Variants in GPC1 observed in about 807,000 individuals in gnomAD.
GPC1 encodes glypican 1, also known as glypican-1.
A neutral mutation model predicts 51.5 loss-of-function variants in GPC1; 26 were observed. That is an observed-to-expected ratio of 0.50 (90% confidence interval 0.37 to 0.70). The LOEUF (loss-of-function observed/expected upper bound fraction) is 0.70, where lower values mean the gene tolerates loss of function less well. Among genes scored for constraint, GPC1 ranks in the 30% least tolerant of loss-of-function variants. The probability of loss-of-function intolerance (pLI) is 0.00; values close to 1 mark genes in which losing one functional copy is unlikely to be tolerated. For synonymous variants in GPC1, 380 were observed against 348.3 expected (o/e 1.09, Z -1.01); for missense variants, 775 against 800.5 (o/e 0.97, Z 0.38).
intron 1 of GPC1, chr2:240,449,752 T>A: frequency 2.2e-6 from 1 of 444,536 alleles, no homozygotes; most frequent in South Asian, 1.6e-5. Flanking sequence ...ATCCTTTCAG[T>A]CTCTATGAAT....
intron 7 of GPC1, 23 bp from the exon 8 acceptor site, chr2:240,465,450 G>A: frequency 6.2e-7 from 1 of 1,610,520 alleles, no homozygotes; most frequent in Non-Finnish European, 8.5e-7. Context: ...CAGTGACCTG[G>A]GCTCTGCCTG....
intron 1 of GPC1, chr2:240,451,134 C>T (rs1451671218): frequency 8.5e-6 from 4 of 471,088 alleles, no homozygotes; most frequent in African/African-American, 8.0e-5. Flanking sequence ...TGTTCCTTCC[C>T]CAGTGTTTAT....
At chr2:240,437,826 C>G (rs1238433387) in intron 1 of GPC1, among the ~76,000 whole-genome samples, 1 of 152,216 alleles carries the variant, frequency 6.6e-6, no homozygotes, top group African/African-American at 2.4e-5. Context: ...GCAGTTGCAT[C>G]CTTAGGAGCC....
chr2:240,437,063 C>A (rs1287242245), intron 1 of GPC1, among the ~76,000 whole-genome samples: 1 of 152,222 alleles, frequency 6.6e-6, no homozygotes, highest in Non-Finnish European at 1.5e-5. Context: ...GTGCCAGGGA[C>A]CCAGTGGGCA....
In GPC1 at chr2:240,465,618, A is replaced by G. The variant is rs753155198; in HGVS notation, c.1414A>G (p.Asn472Asp). The change falls in exon 8 of 9, where the codon AAC becomes GAC. Residue 472 changes from asparagine to aspartate, a missense_variant. Asn to Asp is a conservative substitution (Grantham distance 23). Transcript: ENST00000264039. ...IMTNRLRSAYNGNDVDFQDAS... is the reference protein window; with the variant it reads ...IMTNRLRSAYDGNDVDFQDAS... ...GACCAACCGGCTGCGCAGCGCCTACAACGGCAACGACGTGGACTTCCAGGA... is the reference window on the plus strand; with the variant it reads ...GACCAACCGGCTGCGCAGCGCCTACGACGGCAACGACGTGGACTTCCAGGA... 3.7e-5 allele frequency: 59 copies of G among 1,612,920 alleles called. No individual in the cohort carries two copies. Among genetic ancestry groups the G allele is most frequent in the Non-Finnish European group, 2.4e-5 (28 of 1,179,954 alleles).
chr2:240,465,720 T>C, intron 8 of GPC1, 72 bp downstream of exon 8: 1 of 1,331,866 alleles, frequency 7.5e-7, no homozygotes, highest in Non-Finnish European at 1.1e-6. Context: ...GTGACTGCCC[T>C]CCGGGTTCCC....
intron 1 of GPC1, among the ~76,000 whole-genome samples, chr2:240,446,715 C>G (rs759209636): frequency 2.6e-5 from 4 of 152,310 alleles, no homozygotes; most frequent in Admixed American, 6.5e-5. Context: ...CTCCCCAACC[C>G]AAGGAGCCTG....
At chr2:240,453,990 C>T (rs2074131707) in intron 1 of GPC1, among the ~76,000 whole-genome samples, 1 of 152,140 alleles carries the variant, frequency 6.6e-6, no homozygotes, top group African/African-American at 2.4e-5. Context: ...GGTTTCGGGT[C>T]GCAGTGCGCG....
Position 240,448,135 on chromosome 2 carries a change from G to A in GPC1, c.167-10895G>A, listed in dbSNP as rs1264752163. Among the ~76,000 whole-genome samples, 1 of 152,170 alleles carries A rather than the reference G, an allele frequency of 6.6e-6. No homozygotes were observed. Among genetic ancestry groups the A allele is most frequent in the Non-Finnish European group, 1.5e-5 (1 of 68,026 alleles). On this transcript the variant is annotated intron_variant, in intron 1 of 8. Coordinates refer to ENST00000264039, the MANE Select transcript of GPC1 (RefSeq NM_002081.3). The surrounding 1 kb of genome is among the most constrained non-coding windows in gnomAD (Gnocchi z 4.5). ...TTTCAGGAAGAGAGTCAAGGGTGGA[G>A]AGTTCAGGAGGCACCGCAGGCCCTG...
chr2:240,456,324 C>T (rs2074163192), intron 1 of GPC1, among the ~76,000 whole-genome samples: 1 of 152,046 alleles, frequency 6.6e-6, no homozygotes, highest in Non-Finnish European at 1.5e-5. Context: ...GTGGTGGGGG[C>T]TGGGGAGTGG....
At chr2:240,463,619 G>A (rs1368997869) in intron 4 of GPC1, 107 bp downstream of exon 4, 6 of 934,654 alleles carry the variant, frequency 6.4e-6, no homozygotes, top group African/African-American at 4.9e-5. Flanking sequence ...CCAGGGACCT[G>A]ATCAGGGATG....
intron 1 of GPC1, among the ~76,000 whole-genome samples, chr2:240,443,901 A>C (rs564758465): frequency 6.6e-6 from 1 of 152,320 alleles, no homozygotes; most frequent in East Asian, 1.9e-4. Context: ...CTCAGAGCTG[A>C]GAGGCCTCGC....
Position 240,463,599 on chromosome 2 carries a change from G to A in GPC1, c.883+87G>A. ...TGGGGGGCGGGTGGTCCCTAGCTTA[G>A]AGCTTGGACCCAGGGACCTGATCAG... On this transcript the variant is annotated intron_variant, in intron 4 of 8. Transcript: ENST00000264039. 7 of 1,149,102 alleles carry A rather than the reference G, an allele frequency of 6.1e-6. No individual in the cohort carries two copies. In the South Asian group the frequency reaches 9.7e-5, roughly 16 times the overall value. 71.2% of individuals were successfully genotyped at this position (1,149,102 alleles called of 1,614,324 possible).
chr2:240,436,295 T>G (rs2151783823), intron 1 of GPC1, among the ~76,000 whole-genome samples: 1 of 152,076 alleles, frequency 6.6e-6, no homozygotes, highest in African/African-American at 2.4e-5. Context: ...CGCCAGGGTC[T>G]CCTCCGCCCC....
chr2:240,466,224 C>A lies in GPC1; in HGVS notation c.1611C>A (p.Pro537=). Residue 537 remains proline (P), a synonymous_variant, in exon 9 of 9, where the codon CCC becomes CCA. Transcript: ENST00000264039. ...CCTCGGCTGCCAGCTGCCCCCAGCC[C>A]CCGACCTTCCTCCTGCCCCTCCTCC... ...QKTSAASCPQ[P]PTFLLPLLLF... is the part of the protein sequence containing the mutation. 6.2e-7 allele frequency: 1 copy of A among 1,612,916 alleles called. No individual in the cohort carries two copies. Among genetic ancestry groups the A allele is most frequent in the Non-Finnish European group, 8.5e-7 (1 of 1,179,374 alleles).
intron 1 of GPC1, among the ~76,000 whole-genome samples, chr2:240,443,922 C>G (rs996596279): frequency 4.6e-5 from 7 of 152,364 alleles, no homozygotes; most frequent in African/African-American, 1.7e-4. Flanking sequence ...CGCCTGGGGC[C>G]AAGCCCCACA....
chr2:240,438,924 G>A (rs1047161120), intron 1 of GPC1, among the ~76,000 whole-genome samples: 2 of 152,146 alleles, frequency 1.3e-5, no homozygotes, highest in African/African-American at 2.4e-5. Context: ...CCAGGGCACG[G>A]CACAGAAGGC....
chr2:240,459,713 G>C (rs1244180806), intron 2 of GPC1, among the ~76,000 whole-genome samples: 1 of 152,100 alleles, frequency 6.6e-6, no homozygotes, highest in Non-Finnish European at 1.5e-5. Context: ...GGGCCGCGGG[G>C]AGTGACCCCT....
At chr2:240,451,225 T>C (rs1559197094) in intron 1 of GPC1, 1 of 471,178 alleles carries the variant, frequency 2.1e-6, no homozygotes, top group Non-Finnish European at 4.4e-6. Context: ...GCTGTATGTG[T>C]GTCTCTGCCT....
Sources: gnomAD v4.1 joint callset for allele counts (sites outside exome capture counted in the v4.1 genomes callset) on GRCh38, gnomAD v4.1.1 for gene constraint, Gnocchi (gnomAD v3.1) non-coding constraint, MANE v1.5 for transcripts, NCBI Gene and HGNC (gene_info 2026-07-23, HGNC 2026-07-21) for gene names.